Variants in ADAMTS20 observed in about 807,000 individuals in gnomAD.
ADAMTS20 encodes ADAM metallopeptidase with thrombospondin type 1 motif 20, also known as A disintegrin and metalloproteinase with thrombospondin motifs 20.
In ADAMTS20, 225 loss-of-function variants were observed where a neutral mutation model predicts 260.1. The observed-to-expected ratio is 0.87, with a 90% confidence interval of 0.78 to 0.97. ADAMTS20 has a LOEUF of 0.97. ADAMTS20 is among the 50% of genes least tolerant of loss of function. ADAMTS20 has a pLI of 0.00. For missense variants in ADAMTS20, 2,400 were observed against 2,337.7 expected (o/e 1.03, Z -0.55); for synonymous variants, 802 against 769.5 (o/e 1.04, Z -0.70).
intron 14 of ADAMTS20, among the ~76,000 whole-genome samples, chr12:43,447,484 A>G (rs987825781): frequency 3.9e-5 from 6 of 152,188 alleles, no homozygotes; most frequent in Non-Finnish European, 8.8e-5. Flanking sequence ...GCATTGAAGG[A>G]ACATACCTCA....
intron 11 of ADAMTS20, among the ~76,000 whole-genome samples, chr12:43,456,920 G>C (rs1941974975): frequency 6.6e-6 from 1 of 152,114 alleles, no homozygotes. Flanking sequence ...AGGAATGGCA[G>C]GAAAGTTGTT....
intron 8 of ADAMTS20, among the ~76,000 whole-genome samples, chr12:43,468,291 A>T (rs1239428559): frequency 6.6e-6 from 1 of 152,184 alleles, no homozygotes; most frequent in Non-Finnish European, 1.5e-5. Flanking sequence ...ATGGTAGAGG[A>T]CAGTACCTGG....
Position 43,452,591 on chromosome 12 carries a change from C to T in ADAMTS20, c.1865G>A (p.Cys622Tyr). 1 of 1,613,478 alleles carries T rather than the reference C, an allele frequency of 6.2e-7. No individual in the cohort carries two copies. The highest frequency in any genetic ancestry group is 8.5e-7 in the Non-Finnish European group (1 of 1,179,710). ...KGTQDFREKQ[C>Y]SDFNGKHLDI... ...CAAATGTTTACCATTAAAATCAGAG[C>T]ACTGCTTCTCTCGAAAGTCTTGTGT... Residue 622 changes from cysteine to tyrosine, a missense_variant, in exon 13 of 39, where the codon TGC becomes TAC. By Grantham distance (194) the Cys-to-Tyr change is radical. Transcript: ENST00000389420.
chr12:43,433,007 G>A (rs1189827516), intron 19 of ADAMTS20, among the ~76,000 whole-genome samples, 196 bp from the exon 20 acceptor site: 4 of 152,120 alleles, frequency 2.6e-5, no homozygotes, highest in African/African-American at 9.7e-5. Context: ...CTTTGGAGGT[G>A]CGTCCAAGGA....
chr12:43,448,260 C>A (rs964629788), intron 14 of ADAMTS20, among the ~76,000 whole-genome samples: 8 of 152,040 alleles, frequency 5.3e-5, no homozygotes, highest in African/African-American at 1.9e-4. Flanking sequence ...GCTACAGTAA[C>A]CAAAACAGCA....
chr12:43,463,834 T>C (rs556343709), intron 10 of ADAMTS20, among the ~76,000 whole-genome samples: 1 of 152,264 alleles, frequency 6.6e-6, no homozygotes, highest in Admixed American at 6.5e-5. Context: ...TTTATTTTAA[T>C]GACTGAATAA....
chr12:43,501,733 G>T (rs976552627), intron 4 of ADAMTS20, among the ~76,000 whole-genome samples: 1 of 152,038 alleles, frequency 6.6e-6, no homozygotes, highest in Non-Finnish European at 1.5e-5. Flanking sequence ...AATATTAAGC[G>T]TCCAAATTTC....
intron 28 of ADAMTS20, among the ~76,000 whole-genome samples, chr12:43,417,785 C>T (rs1344800559): frequency 6.6e-6 from 1 of 152,148 alleles, no homozygotes; most frequent in Admixed American, 6.5e-5. Context: ...GCAAGATTTA[C>T]TACATGGGGC....
chr12:43,510,893 A>T lies in ADAMTS20; in HGVS notation c.614-8488T>A, dbSNP rs564041629. ...ATTAGAATCCCATAATTCTACTTGG[A>T]TGTCCTACTGGCACCTCATATTTAA... On this transcript the variant is annotated intron_variant, in intron 3 of 38. Transcript: ENST00000389420. 4.6e-5 allele frequency among the ~76,000 whole-genome samples: 7 copies of T among 152,258 alleles called. No individual in the cohort carries two copies. The South Asian group carries it at 1.2e-3, about 27-fold the overall frequency.
At chr12:43,449,478 C>T (rs1941824697) in intron 14 of ADAMTS20, among the ~76,000 whole-genome samples, 1 of 151,876 alleles carries the variant, frequency 6.6e-6, no homozygotes, top group African/African-American at 2.4e-5. Context: ...ACACTGGGGC[C>T]TGCTGAGGGT....
chr12:43,465,611 T>C (rs1213623515), intron 9 of ADAMTS20, among the ~76,000 whole-genome samples: 1 of 151,978 alleles, frequency 6.6e-6, no homozygotes, highest in Non-Finnish European at 1.5e-5. Context: ...AAATATAAAT[T>C]TTCCAATTAA....
At chr12:43,468,726 A>G (rs1942200109) in intron 7 of ADAMTS20, 21 bp from the exon 8 acceptor site, 22 of 1,394,168 alleles carry the variant, frequency 1.6e-5, no homozygotes, top group Non-Finnish European at 2.1e-5. Context: ...TCACATTTGT[A>G]TTTCATCAAA....
intron 3 of ADAMTS20, among the ~76,000 whole-genome samples, chr12:43,507,645 T>C (rs1942865659): frequency 6.6e-6 from 1 of 152,224 alleles, no homozygotes; most frequent in Non-Finnish European, 1.5e-5. Flanking sequence ...GAAAGCACTA[T>C]GGTTTGAAGA....
intron 3 of ADAMTS20, among the ~76,000 whole-genome samples, chr12:43,528,368 AAAAAAACAC>A: frequency 2.0e-5 from 3 of 148,552 alleles, no homozygotes; most frequent in African/African-American, 7.4e-5. Context: ...AAAAAAAAAA[AAAAAAACAC>A]AAATCCGGAA....
rs750608447 is a variant in ADAMTS20, at chr12:43,493,269, AT to A, written c.868-17del. The A allele has an allele frequency of 3.4e-4, 502 of 1,495,002 alleles. 2 individuals are homozygous for A. Among genetic ancestry groups the A allele is most frequent in the Non-Finnish European group, 4.2e-4 (465 of 1,102,158 alleles). 92.6% of individuals were successfully genotyped at this position (1,495,002 alleles called of 1,614,324 possible). A position where few individuals can be genotyped will look rare whatever the true frequency, so the allele number is the denominator to read the frequency against. On this transcript the variant is annotated splice_polypyrimidine_tract_variant and intron_variant, in intron 4 of 38. Coordinates refer to ENST00000389420, the MANE Select transcript of ADAMTS20 (RefSeq NM_025003.5). Reference sequence around the variant, plus strand: ...TTGTTGCAACCTGCATGTAAAAAAAATGTAGGATTAGTTGTTTAAAATGAAT... The same window carrying A: ...TTGTTGCAACCTGCATGTAAAAAAAAGTAGGATTAGTTGTTTAAAATGAAT...
At chr12:43,407,782 A>C (rs1202837738) in intron 28 of ADAMTS20, among the ~76,000 whole-genome samples, 1 of 152,194 alleles carries the variant, frequency 6.6e-6, no homozygotes, top group African/African-American at 2.4e-5. Context: ...ACTTGAGTTT[A>C]TTTTGGTAGA....
chr12:43,371,386 G>A (rs1316192612), intron 36 of ADAMTS20, among the ~76,000 whole-genome samples: 1 of 152,146 alleles, frequency 6.6e-6, no homozygotes, highest in Non-Finnish European at 1.5e-5. Context: ...TATAGATATT[G>A]CGAACACAAC....
chr12:43,480,351 G>A (rs569264532), intron 7 of ADAMTS20, among the ~76,000 whole-genome samples: 1 of 152,228 alleles, frequency 6.6e-6, no homozygotes, highest in South Asian at 2.1e-4. Context: ...CTTGTTCAAG[G>A]CTGGTTTACT....
chr12:43,414,180 G>A (rs976274263), intron 28 of ADAMTS20, among the ~76,000 whole-genome samples: 1 of 152,114 alleles, frequency 6.6e-6, no homozygotes, highest in Admixed American at 6.5e-5. Context: ...AACCAGCAGA[G>A]TAAAGTAGCA....
Sources: gnomAD v4.1 joint callset for allele counts (sites outside exome capture counted in the v4.1 genomes callset) on GRCh38, gnomAD v4.1.1 for gene constraint, MANE v1.5 for transcripts, NCBI Gene and HGNC (gene_info 2026-07-23, HGNC 2026-07-21) for gene names.